The following C16orf96 variants were observed in gnomAD, a reference collection of about 807,000 sequenced individuals.
C16orf96 encodes the protein chromosome 16 open reading frame 96.
Under a neutral mutation model 103.6 loss-of-function variants are expected in C16orf96, and 108 were observed. The observed-to-expected ratio is 1.04, with a 90% CI of 0.89 to 1.22. The LOEUF (loss-of-function observed/expected upper bound fraction) is 1.22, where lower values mean the gene tolerates loss of function less well. C16orf96 is among the 50% of genes most tolerant of loss of function. The probability of loss-of-function intolerance (pLI) is 0.00; values close to 1 mark genes in which losing one functional copy is unlikely to be tolerated. For missense variants in C16orf96, 1,586 were observed against 1,464.2 expected, an observed-to-expected ratio of 1.08 and a Z score of -1.36; for synonymous variants, 566 against 593.5, an observed-to-expected ratio of 0.95 and a Z score of 0.67.
Position 4,600,259 on chromosome 16 carries a change from C to T in C16orf96, c.3368C>T (p.Ala1123Val), listed in dbSNP as rs1326554850. 3 of 1,551,450 alleles carry T rather than the reference C, an allele frequency of 1.9e-6. No individual in the cohort carries two copies. The highest frequency in any genetic ancestry group is 1.7e-6 in the Non-Finnish European group (2 of 1,146,940). Residue 1123 changes from alanine to valine, a missense_variant, in exon 16 of 16, where the codon GCT becomes GTT. Physicochemically the swap from Ala to Val is moderately conservative, Grantham distance 64. Coordinates refer to ENST00000444310, the MANE Select transcript of C16orf96 (RefSeq NM_001145011.2). ...CCAGGGTCCACCAGGCTCTCAAGAG[C>T]TCCACACATTGAGTCCCGAGTCGGC... ...QAPGSTRLSRAPHIESRVGRK... is the reference protein window; with the variant it reads ...QAPGSTRLSRVPHIESRVGRK...
At position 4,574,834 on chromosome 16, in the gene C16orf96, C is replaced by A. The variant is rs543145417; in HGVS notation, c.606+45C>A. 5 of 1,541,316 alleles carry A rather than the reference C, an allele frequency of 3.2e-6. No homozygotes were observed. The African/African-American group carries it at 6.9e-5, about 21-fold the overall frequency. On this transcript the variant is annotated intron_variant, in intron 3 of 15. Transcript: ENST00000444310. ...TCTTCCCCCACTCCCCCTGGGACCC[C>A]CCAACCTCCCGGGTCCTGGGTGCTG...
At chr16:4,556,219 G>T (rs936348256), upstream of C16orf96, among the ~76,000 whole-genome samples, 1 of 152,140 alleles carries the variant, frequency 6.6e-6, no homozygotes, top group Admixed American at 6.6e-5. Context: ...TATTAACTGA[G>T]CACCTACTCT....
At chr16:4,590,064 T>G (rs1213934554) in intron 9 of C16orf96, among the ~76,000 whole-genome samples, 1 of 151,618 alleles carries the variant, frequency 6.6e-6, no homozygotes, top group African/African-American at 2.4e-5. Flanking sequence ...AGGCAGAGCT[T>G]GTAGTAAGCC....
chr16:4,581,183 T>TATATAA (rs541449983), intron 7 of C16orf96, among the ~76,000 whole-genome samples: 229 of 118,286 alleles, frequency 1.9e-3, no homozygotes, highest in Non-Finnish European at 2.6e-3. Context: ...TATATATATA[T>TATATAA]AATTAGCCAG....
intron 5 of C16orf96, 114 bp downstream of exon 5, chr16:4,576,749 A>G (rs2059515442): frequency 9.6e-7 from 1 of 1,041,156 alleles, no homozygotes; most frequent in African/African-American, 1.6e-5. Flanking sequence ...GCATTCCACC[A>G]TTAGCCATTC....
At chr16:4,599,063 C>T (rs1341335406) in intron 14 of C16orf96, among the ~76,000 whole-genome samples, 3 of 150,732 alleles carry the variant, frequency 2.0e-5, no homozygotes, top group East Asian at 2.0e-4. Flanking sequence ...AGGCTGCGTG[C>T]GCTCCAGCCT....
At chr16:4,549,471 T>TAAAAA in the C16orf96 span, among the ~76,000 whole-genome samples, 3 of 96,636 alleles carry the variant, frequency 3.1e-5, no homozygotes, top group Admixed American at 1.2e-4. Context: ...AGACTCTGTC[T>TAAAAA]AAAAAAAAAA....
intron 9 of C16orf96, among the ~76,000 whole-genome samples, chr16:4,589,040 G>A (rs1686463862): frequency 6.6e-6 from 1 of 152,086 alleles, no homozygotes; most frequent in South Asian, 2.1e-4. Flanking sequence ...CACATCACTG[G>A]CAGTCAGTAA....
chr16:4,551,726 A>G (rs1056686149), upstream of C16orf96, among the ~76,000 whole-genome samples: 1 of 152,138 alleles, frequency 6.6e-6, no homozygotes. Context: ...TGCTCAGATT[A>G]TAGGCTTGAG....
chr16:4,555,278 A>G (rs1445372491), upstream of C16orf96, among the ~76,000 whole-genome samples: 3 of 11,246 alleles, frequency 2.7e-4, no homozygotes, highest in Admixed American at 1.8e-3. Flanking sequence ...CTACACACAC[A>G]CACACACACA....
At chr16:4,572,193 A>G (rs1168151497) in intron 2 of C16orf96, among the ~76,000 whole-genome samples, 1 of 152,104 alleles carries the variant, frequency 6.6e-6, no homozygotes, top group African/African-American at 2.4e-5. Flanking sequence ...CGTTAGTTGT[A>G]AGTGACAGAA....
In C16orf96 at chr16:4,592,355, T is replaced by C. The variant is rs892774405; in HGVS notation, c.2762T>C (p.Met921Thr). 1.9e-6 allele frequency: 3 copies of C among 1,551,662 alleles called. No individual in the cohort carries two copies. Among genetic ancestry groups the C allele is most frequent in the Non-Finnish European group, 2.6e-6 (3 of 1,146,984 alleles). The change falls in exon 11 of 16, where the codon ATG (methionine) becomes ACG (threonine). Residue 921 changes from methionine to threonine, a missense_variant. Transcript: ENST00000444310. ...ATCTCCTGTGACCGGCCTGTGGAGA[T>C]GATGACTGGCCCGTGAGTACCACCG... ...KCISCDRPVE[M>T]MTGPQLITIR...
chr16:4,594,675 C>G (rs1208380100), intron 13 of C16orf96, 29 bp from the exon 14 acceptor site: 1 of 1,550,500 alleles, frequency 6.4e-7, no homozygotes, highest in South Asian at 1.2e-5. Flanking sequence ...TCGGGGGCTC[C>G]CTAACCCGGG....
intron 7 of C16orf96, among the ~76,000 whole-genome samples, chr16:4,584,525 T>G (rs1271169619): frequency 6.6e-6 from 1 of 151,060 alleles, no homozygotes; most frequent in Non-Finnish European, 1.5e-5. Flanking sequence ...TTTTTGTGGT[T>G]TTTTTGGTTT....
chr16:4,567,692 C>CTTTTTTTTT (rs60143866), intron 1 of C16orf96, among the ~76,000 whole-genome samples: 4 of 44,560 alleles, frequency 9.0e-5, no homozygotes, highest in African/African-American at 3.4e-4. Flanking sequence ...CTTCTGTTGC[C>CTTTTTTTTT]TTTTTTTTTT....
chr16:4,564,995 C>T (rs778473321), intron 1 of C16orf96, among the ~76,000 whole-genome samples: 1 of 152,260 alleles, frequency 6.6e-6, no homozygotes. Flanking sequence ...TTACATTCCT[C>T]GTTTCCGTGG....
At chr16:4,557,945 G>C (rs1659504) in intron 1 of C16orf96, among the ~76,000 whole-genome samples, 145,447 of 152,294 alleles carry the variant, frequency 0.96, 69,813 homozygotes, top group East Asian at 1. Flanking sequence ...GCTGGGATTA[G>C]AAGCGTGAGC....
chr16:4,567,851 C>G (rs539581020), intron 1 of C16orf96, among the ~76,000 whole-genome samples: 1 of 151,822 alleles, frequency 6.6e-6, no homozygotes, highest in African/African-American at 2.4e-5. Context: ...GCACGCACCA[C>G]CACACCCAGC....
Position 4,588,320 on chromosome 16 carries a change from G to T in C16orf96, c.2581G>T (p.Val861Leu). ...KKAMEELSKD[V>L]NTKLVHSDLD... ...GGCTATGGAGGAGCTCAGCAAGGAC[G>T]TGAACACCAAGGTGAATGCCCCCAT... is the stretch of plus-strand genomic sequence containing the variant. Residue 861 changes from valine (V) to leucine (L), a missense_variant, in exon 9 of 16, where the codon GTG (valine) becomes TTG (leucine). Coordinates refer to ENST00000444310, the MANE Select transcript of C16orf96 (RefSeq NM_001145011.2). 2 of 1,550,186 alleles carry T rather than the reference G, an allele frequency of 1.3e-6. No homozygotes were observed. The highest frequency in any genetic ancestry group is 1.7e-6 in the Non-Finnish European group (2 of 1,145,842).
Sources: gnomAD v4.1 joint callset for allele counts (sites outside exome capture counted in the v4.1 genomes callset) on GRCh38, gnomAD v4.1.1 for gene constraint, MANE v1.5 for transcripts, NCBI Gene and HGNC (gene_info 2026-07-23, HGNC 2026-07-21) for gene names.